The following SGCD variants were observed in gnomAD, a reference collection of about 807,000 sequenced individuals.
SGCD encodes the protein delta-sarcoglycan.
SGCD carries 18 observed loss-of-function variants against 36.6 expected under a neutral mutation model. The observed-to-expected ratio is 0.49, with a 90% CI of 0.34 to 0.73. The LOEUF is 0.73. SGCD is among the 30% of genes least tolerant of loss of function. The pLI is 0.01. For missense variants in SGCD, 387 were observed against 346.7 expected, an observed-to-expected ratio of 1.12 and a Z score of -0.92; for synonymous variants, 133 against 130.6, an observed-to-expected ratio of 1.02 and a Z score of -0.12.
chr5:156,521,659 G>A (rs941622473), intron 4 of SGCD, among the ~76,000 whole-genome samples: 9 of 152,136 alleles, frequency 5.9e-5, no homozygotes, highest in Admixed American at 2.6e-4. Context: ...CCACCTCACG[G>A]CAGTCAAAAT....
At chr5:156,706,185 A>G (rs889416050) in intron 7 of SGCD, among the ~76,000 whole-genome samples, 5 of 152,182 alleles carry the variant, frequency 3.3e-5, no homozygotes, top group Non-Finnish European at 5.9e-5. Flanking sequence ...ACTTAAAAAA[A>G]ATTCATGTAG....
At chr5:156,564,650 C>T (rs567074310) in intron 4 of SGCD, among the ~76,000 whole-genome samples, 1 of 152,160 alleles carries the variant, frequency 6.6e-6, no homozygotes, top group South Asian at 2.1e-4. Flanking sequence ...ACTCCCCATT[C>T]CCTATTTCCC....
At chr5:156,159,168 A>G (rs1335041224) in intron 3 of SGCD, among the ~76,000 whole-genome samples, 1 of 151,674 alleles carries the variant, frequency 6.6e-6, no homozygotes, top group Admixed American at 6.6e-5. Context: ...TTGGAAGGTC[A>G]AATGAAATAA....
At chr5:155,981,282 G>C (rs1758223934) in intron 1 of SGCD, among the ~76,000 whole-genome samples, 1 of 152,176 alleles carries the variant, frequency 6.6e-6, no homozygotes, top group African/African-American at 2.4e-5. Context: ...TCCCCGACTT[G>C]GGGCCATGGA....
At chr5:155,881,377 A>G (rs896280184) in intron 1 of SGCD, among the ~76,000 whole-genome samples, 1 of 152,158 alleles carries the variant, frequency 6.6e-6, no homozygotes. Flanking sequence ...CCCAGTGCAT[A>G]TAAAGTTTTG....
rs974671484 is a variant in SGCD, at chr5:156,574,611, G to A, written c.295-14620G>A. ...GGCTCGAGTAACCCCAGGGTTAGTA[G>A]TCTGGGCTTTGGGTTTTTTTTCCCT... On this transcript the variant is annotated intron_variant, in intron 4 of 8. Transcript: ENST00000337851. 2.0e-5 allele frequency among the ~76,000 whole-genome samples: 3 copies of A among 152,104 alleles called. No individual in the cohort carries two copies. In the East Asian group the frequency reaches 5.8e-4, roughly 29 times the overall value.
chr5:156,048,745 T>C (rs1478603651), intron 1 of SGCD, among the ~76,000 whole-genome samples: 1 of 152,180 alleles, frequency 6.6e-6, no homozygotes, highest in Non-Finnish European at 1.5e-5. Context: ...GATGAGTAGA[T>C]TGCAAAATTT....
chr5:155,803,881 G>T, the SGCD span, among the ~76,000 whole-genome samples: 1 of 152,126 alleles, frequency 6.6e-6, no homozygotes, highest in African/African-American at 2.4e-5. Context: ...TAATGCATGG[G>T]GCAGCGCAGC....
At chr5:156,375,027 C>T (rs1425134246) in intron 3 of SGCD, among the ~76,000 whole-genome samples, 4 of 151,948 alleles carry the variant, frequency 2.6e-5, no homozygotes, top group East Asian at 1.9e-4. Flanking sequence ...TCAGATTTAC[C>T]AAAAAATTGC....
Position 156,765,108 on chromosome 5 carries a change from A to AC in SGCD, c.*5718_*5719insC, listed in dbSNP as rs1042407215. The AC allele has an allele frequency of 2.0e-5, 3 of 152,044 alleles. No individual in the cohort carries two copies. The highest frequency in any genetic ancestry group is 7.3e-5 in the African/African-American group (3 of 41,288). 9.4% of individuals were successfully genotyped at this position (152,044 alleles called of 1,614,324 possible). On this transcript the variant is annotated 3_prime_UTR_variant, in exon 9 of 9. Transcript: ENST00000337851. ...ATGAGGCCGACTTCTTTGCGAGAAG[A>AC]GAAAAGAAAACATCTGCTTGATTTA... is the stretch of plus-strand genomic sequence containing the variant.
At chr5:155,808,028 A>G in the SGCD span, among the ~76,000 whole-genome samples, 1 of 152,206 alleles carries the variant, frequency 6.6e-6, no homozygotes, top group South Asian at 2.1e-4. Flanking sequence ...GCAACCTTAT[A>G]AAAAATAAGC....
intron 3 of SGCD, among the ~76,000 whole-genome samples, chr5:156,422,342 G>A (rs1773349818): frequency 6.6e-6 from 1 of 151,712 alleles, no homozygotes; most frequent in South Asian, 2.1e-4. Flanking sequence ...TTTTGTTTTT[G>A]TTTTTTTTCT....
chr5:155,830,291 A>G, the SGCD span, among the ~76,000 whole-genome samples: 32 of 152,126 alleles, frequency 2.1e-4, 1 homozygote, highest in Non-Finnish European at 1.5e-4. Flanking sequence ...GCAGAATACT[A>G]CTTTTTTGCA....
At chr5:155,964,051 T>A (rs1234204159) in intron 1 of SGCD, among the ~76,000 whole-genome samples, 1 of 152,106 alleles carries the variant, frequency 6.6e-6, no homozygotes, top group Non-Finnish European at 1.5e-5. Flanking sequence ...TACCTATTGC[T>A]ATAGCTAGAA....
chr5:156,033,470 G>A (rs116560833), intron 1 of SGCD, among the ~76,000 whole-genome samples: 8,871 of 152,042 alleles, frequency 0.058, 838 homozygotes, highest in African/African-American at 0.2. Context: ...GTCCCCACTT[G>A]TAAGTGAGAA....
intron 1 of SGCD, among the ~76,000 whole-genome samples, chr5:155,939,600 A>G (rs1160421140): frequency 4.7e-5 from 7 of 149,458 alleles, no homozygotes; most frequent in African/African-American, 1.7e-4. Flanking sequence ...AGTTGAGATT[A>G]TGCCACTGCA....
chr5:156,094,866 T>C (rs1200743429), intron 1 of SGCD, among the ~76,000 whole-genome samples: 1 of 152,138 alleles, frequency 6.6e-6, no homozygotes, highest in East Asian at 1.9e-4. Context: ...CTGGGCGTGG[T>C]GGCACATGCC....
At chr5:156,069,842 T>C (rs1760480848) in intron 1 of SGCD, among the ~76,000 whole-genome samples, 1 of 152,102 alleles carries the variant, frequency 6.6e-6, no homozygotes, top group East Asian at 1.9e-4. Flanking sequence ...AAGATGTCCT[T>C]CACGTCCCTT....
chr5:155,757,382 T>A, the SGCD span, among the ~76,000 whole-genome samples: 1 of 152,226 alleles, frequency 6.6e-6, no homozygotes. Context: ...CATCTTTGTA[T>A]GCAACAGGTA....
Sources: gnomAD v4.1 joint callset for allele counts (sites outside exome capture counted in the v4.1 genomes callset) on GRCh38, gnomAD v4.1.1 for gene constraint, MANE v1.5 for transcripts, NCBI Gene and HGNC (gene_info 2026-07-23, HGNC 2026-07-21) for gene names.